The following ARB2A variants were observed in gnomAD, a reference collection of about 807,000 sequenced individuals.
The protein encoded by ARB2A is ARB2 cotranscriptional regulator A, also known as cotranscriptional regulator ARB2A.
chr5:93,957,577 G>A, the ARB2A span, among the ~76,000 whole-genome samples: 2 of 151,650 alleles, frequency 1.3e-5, no homozygotes, highest in Non-Finnish European at 2.9e-5. Context: ...ATACACTGTC[G>A]AAATTAGCAA....
At chr5:93,773,868 C>T in the ARB2A span, among the ~76,000 whole-genome samples, 2 of 152,174 alleles carry the variant, frequency 1.3e-5, no homozygotes, top group Non-Finnish European at 2.9e-5. Context: ...CTTAGGCCCA[C>T]GTGATCCTCT....
At chr5:93,993,942 AT>A in the ARB2A span, among the ~76,000 whole-genome samples, 1 of 152,156 alleles carries the variant, frequency 6.6e-6, no homozygotes, top group African/African-American at 2.4e-5. Flanking sequence ...GGAAAGAATT[AT>A]AACAAAATAA....
At chr5:93,793,238 A>ATTTTTT in the ARB2A span, among the ~76,000 whole-genome samples, 1 of 36,118 alleles carries the variant, frequency 2.8e-5, no homozygotes, top group East Asian at 1.5e-3. Flanking sequence ...ACTTCTGGCT[A>ATTTTTT]ATTTTTTTTT....
chr5:93,625,002 T>A, the ARB2A span, among the ~76,000 whole-genome samples: 1 of 152,086 alleles, frequency 6.6e-6, no homozygotes, highest in African/African-American at 2.4e-5. Context: ...CAAGAGTGGT[T>A]TACCCTATGA....
the ARB2A span, among the ~76,000 whole-genome samples, chr5:93,887,516 T>G: frequency 6.6e-6 from 1 of 151,744 alleles, no homozygotes; most frequent in Non-Finnish European, 1.5e-5. Flanking sequence ...TTAGATTAAT[T>G]CAGGTAAGGC....
At chr5:94,048,433 C>T in the ARB2A span, among the ~76,000 whole-genome samples, 7 of 152,128 alleles carry the variant, frequency 4.6e-5, no homozygotes, top group Non-Finnish European at 5.9e-5. Context: ...AGAACACTAA[C>T]AAGAACTGTG....
At chr5:93,670,660 C>T in the ARB2A span, among the ~76,000 whole-genome samples, 1 of 152,208 alleles carries the variant, frequency 6.6e-6, no homozygotes, top group East Asian at 1.9e-4. Flanking sequence ...ATTAAAAGCA[C>T]AATCTCATTC....
chr5:93,854,196 G>A, the ARB2A span, among the ~76,000 whole-genome samples: 120 of 152,318 alleles, frequency 7.9e-4, 1 homozygote, highest in Non-Finnish European at 1.5e-3. Flanking sequence ...GAGGGTGTAT[G>A]TGTCGAGAAA....
chr5:93,944,432 C>CA, the ARB2A span, among the ~76,000 whole-genome samples: 2 of 151,616 alleles, frequency 1.3e-5, no homozygotes, highest in East Asian at 1.9e-4. Context: ...CCCATCTCGC[C>CA]AAAAAAATAA....
chr5:93,855,617 T>A, the ARB2A span, among the ~76,000 whole-genome samples: 2 of 152,182 alleles, frequency 1.3e-5, no homozygotes, highest in African/African-American at 2.4e-5. Flanking sequence ...TTTCCATGTT[T>A]AGTGCTTCCT....
chr5:93,725,023 G>A, the ARB2A span, among the ~76,000 whole-genome samples: 2 of 152,042 alleles, frequency 1.3e-5, no homozygotes, highest in African/African-American at 4.8e-5. Context: ...AATGTTCCAT[G>A]AGGGACAGAG....
the ARB2A span, among the ~76,000 whole-genome samples, chr5:93,679,195 TTGGGAC>T: frequency 1.3e-5 from 2 of 152,142 alleles, no homozygotes; most frequent in Admixed American, 1.3e-4. Context: ...ATTAGTGTTC[TTGGGAC>T]TGAATGCTAC....
At chr5:93,881,453 G>A in the ARB2A span, 6 of 1,552,296 alleles carry the variant, frequency 3.9e-6, no homozygotes, top group Non-Finnish European at 5.3e-6. Context: ...GTAAAGGAAA[G>A]TAGTGATCTC....
At chr5:93,718,224 G>A in the ARB2A span, among the ~76,000 whole-genome samples, 6 of 151,962 alleles carry the variant, frequency 3.9e-5, no homozygotes, top group South Asian at 1.2e-3. Context: ...GGCAGATCAC[G>A]AGGTCAAGAG....
At chr5:93,665,512 T>C in the ARB2A span, among the ~76,000 whole-genome samples, 2,006 of 152,282 alleles carry the variant, frequency 0.013, 18 homozygotes, top group Non-Finnish European at 0.018. Flanking sequence ...AAAGAAGAGA[T>C]AGACCAAAGA....
At chr5:93,847,714 T>C in the ARB2A span, among the ~76,000 whole-genome samples, 1 of 152,166 alleles carries the variant, frequency 6.6e-6, no homozygotes, top group Admixed American at 6.5e-5. Flanking sequence ...ATTACATGTA[T>C]TATGAATTAA....
the ARB2A span, among the ~76,000 whole-genome samples, chr5:93,901,840 C>T: frequency 1.2e-4 from 19 of 152,116 alleles, no homozygotes; most frequent in South Asian, 2.5e-3. Context: ...TAGTTCCCAA[C>T]GAGCAGGACT....
At chr5:93,928,009 T>C in the ARB2A span, among the ~76,000 whole-genome samples, 2 of 151,678 alleles carry the variant, frequency 1.3e-5, no homozygotes, top group Admixed American at 6.6e-5. Context: ...TTTTTTTTTT[T>C]CATATTTGGA....
the ARB2A span, among the ~76,000 whole-genome samples, chr5:93,806,616 C>T: frequency 1.3e-5 from 2 of 151,854 alleles, no homozygotes; most frequent in Non-Finnish European, 2.9e-5. Flanking sequence ...GAGGTTATTG[C>T]TCTTGTATAA....
Sources: gnomAD v4.1 joint callset for allele counts (sites outside exome capture counted in the v4.1 genomes callset) on GRCh38, gnomAD v4.1.1 for gene constraint, MANE v1.5 for transcripts, NCBI Gene and HGNC (gene_info 2026-07-23, HGNC 2026-07-21) for gene names.